Variants in RGS6 observed in about 807,000 individuals in gnomAD.
The protein encoded by RGS6 is regulator of G protein signaling 6, also known as regulator of G-protein signaling 6.
A neutral mutation model predicts 78.5 loss-of-function variants in RGS6; 30 were observed. The ratio of observed to expected loss-of-function variants is 0.38; its 90% CI spans 0.29 to 0.52. The LOEUF is 0.52. Among genes scored for constraint, RGS6 ranks in the 20% least tolerant of loss-of-function variants. The probability of loss-of-function intolerance (pLI) is 0.85; values close to 1 mark genes in which losing one functional copy is unlikely to be tolerated. For synonymous variants in RGS6, 206 were observed against 206.0 expected (o/e 1.00, Z 0.00); for missense variants, 495 against 609.7 (o/e 0.81, Z 1.98).
At chr14:72,503,505 C>T (rs1012614043) in intron 13 of RGS6, among the ~76,000 whole-genome samples, 21 of 145,592 alleles carry the variant, frequency 1.4e-4, no homozygotes, top group Non-Finnish European at 3.0e-5. Flanking sequence ...ACTTGTGAAA[C>T]CAAACAAGTT....
At chr14:72,551,352 G>C (rs981465365) in intron 17 of RGS6, among the ~76,000 whole-genome samples, 1 of 152,122 alleles carries the variant, frequency 6.6e-6, no homozygotes, top group Admixed American at 6.5e-5. Context: ...TCCCTGATTG[G>C]CTGCTCGTGG....
At chr14:72,255,215 A>T (rs2056812960) in intron 2 of RGS6, among the ~76,000 whole-genome samples, 1 of 152,166 alleles carries the variant, frequency 6.6e-6, no homozygotes. Context: ...GCTCTGGGGC[A>T]TAGAGGCTGT....
chr14:72,331,875 T>C (rs1299772727), intron 2 of RGS6, among the ~76,000 whole-genome samples: 2 of 152,238 alleles, frequency 1.3e-5, no homozygotes. Context: ...ATGTCTGCGA[T>C]ACTTTGTCCC....
intron 1 of RGS6, among the ~76,000 whole-genome samples, chr14:71,935,156 A>C (rs1362218047): frequency 6.6e-6 from 1 of 152,224 alleles, no homozygotes; most frequent in Non-Finnish European, 1.5e-5. Flanking sequence ...TCCTGCTGTA[A>C]GGAAAGAAAT....
the RGS6 span, among the ~76,000 whole-genome samples, chr14:72,610,555 A>T: frequency 6.6e-6 from 1 of 152,178 alleles, no homozygotes; most frequent in Non-Finnish European, 1.5e-5. Flanking sequence ...GAGCTTACAA[A>T]TTGCCCTCAC....
chr14:72,540,918 C>T (rs182403326), intron 17 of RGS6: 57 of 985,400 alleles, frequency 5.8e-5, no homozygotes, highest in Middle Eastern at 5.2e-4. Flanking sequence ...GTGGGGAGTC[C>T]GTGGCTGTTC....
At chr14:72,477,689 C>T (rs1018456361) in intron 11 of RGS6, among the ~76,000 whole-genome samples, 1 of 150,660 alleles carries the variant, frequency 6.6e-6, no homozygotes, top group Non-Finnish European at 1.5e-5. Flanking sequence ...CCCAGCTACT[C>T]GGGAGGCTGA....
chr14:72,342,455 A>G (rs753431470), intron 2 of RGS6, among the ~76,000 whole-genome samples: 5 of 152,018 alleles, frequency 3.3e-5, no homozygotes, highest in Non-Finnish European at 7.4e-5. Context: ...AATCCCAGCT[A>G]CTTGGAAAGC....
At chr14:72,624,742 C>T in the RGS6 span, among the ~76,000 whole-genome samples, 1 of 151,828 alleles carries the variant, frequency 6.6e-6, no homozygotes, top group East Asian at 1.9e-4. Context: ...TCCTCAGTTT[C>T]TTTGTCTTTC....
intron 3 of RGS6, among the ~76,000 whole-genome samples, chr14:72,401,231 G>A (rs1401184216): frequency 6.6e-6 from 1 of 151,970 alleles, no homozygotes; most frequent in Non-Finnish European, 1.5e-5. Flanking sequence ...GAGTAGGGGC[G>A]GACAAATATG....
intron 2 of RGS6, among the ~76,000 whole-genome samples, chr14:72,265,678 T>C (rs1437664005): frequency 3.3e-5 from 5 of 152,068 alleles, no homozygotes; most frequent in African/African-American, 1.2e-4. Flanking sequence ...GCCTGTGTCA[T>C]TACAGTAGCT....
chr14:72,472,255 C>T (rs537016948), intron 8 of RGS6, among the ~76,000 whole-genome samples: 2 of 152,038 alleles, frequency 1.3e-5, no homozygotes, highest in African/African-American at 2.4e-5. Flanking sequence ...TTGTCACCTG[C>T]AATTTCCCTC....
At chr14:72,067,633 G>A (rs1388598673) in intron 2 of RGS6, among the ~76,000 whole-genome samples, 1 of 151,982 alleles carries the variant, frequency 6.6e-6, no homozygotes, top group Non-Finnish European at 1.5e-5. Flanking sequence ...CATCAGTTCA[G>A]GTAAGGTTTT....
At chr14:72,263,819 C>T (rs1385932483) in intron 2 of RGS6, among the ~76,000 whole-genome samples, 1 of 152,200 alleles carries the variant, frequency 6.6e-6, no homozygotes, top group Non-Finnish European at 1.5e-5. Flanking sequence ...ATCAGCCACC[C>T]AGTTGGTGGT....
chr14:71,879,986 A>G, the RGS6 span, among the ~76,000 whole-genome samples: 1 of 152,224 alleles, frequency 6.6e-6, no homozygotes, highest in South Asian at 2.1e-4. Context: ...TGGCCAAAAT[A>G]CTGATAGTGA....
At chr14:72,465,550 C>CTGGATGAATGGATGGA (rs2095878547) in intron 6 of RGS6, among the ~76,000 whole-genome samples, 1 of 110,308 alleles carries the variant, frequency 9.1e-6, no homozygotes, top group African/African-American at 3.8e-5. Context: ...GGCGGGCTGT[C>CTGGATGAATGGATGGA]TGGATGGATG....
At chr14:72,084,369 A>G (rs927498255) in intron 2 of RGS6, among the ~76,000 whole-genome samples, 4 of 152,144 alleles carry the variant, frequency 2.6e-5, no homozygotes, top group African/African-American at 9.7e-5. Flanking sequence ...CTAACAGGCC[A>G]CAGACTGGTA....
intron 2 of RGS6, among the ~76,000 whole-genome samples, chr14:72,017,815 A>G (rs2087393926): frequency 6.6e-6 from 1 of 151,726 alleles, no homozygotes; most frequent in South Asian, 2.1e-4. Context: ...GTACATGTGC[A>G]GGATGTGCAG....
At position 71,941,456 on chromosome 14, in the gene RGS6, T is replaced by C. The variant is rs2090540940; in HGVS notation, c.-21+8515T>C. Reference sequence around the variant, plus strand: ...CTGGTACCAAAATCTGTATTAGGTTTCTCTTAGAGGGATATAACTAATAAG... The same window carrying C: ...CTGGTACCAAAATCTGTATTAGGTTCCTCTTAGAGGGATATAACTAATAAG... On this transcript the variant is annotated intron_variant, in intron 1 of 17. Transcript: ENST00000553525. 2.6e-5 allele frequency among the ~76,000 whole-genome samples: 4 copies of C among 152,320 alleles called. No homozygotes were observed. The South Asian group carries it at 8.3e-4, about 32-fold the overall frequency.
Sources: gnomAD v4.1 joint callset for allele counts (sites outside exome capture counted in the v4.1 genomes callset) on GRCh38, gnomAD v4.1.1 for gene constraint, MANE v1.5 for transcripts, NCBI Gene and HGNC (gene_info 2026-07-23, HGNC 2026-07-21) for gene names.